Variants in ANK2 observed in about 807,000 individuals in gnomAD.
ANK2 encodes ankyrin-2.
ANK2 carries 83 observed loss-of-function variants against 360.5 expected under a neutral mutation model. That is an observed-to-expected ratio of 0.23 (90% confidence interval 0.19 to 0.28). The LOEUF is 0.28. ANK2 is among the 10% of genes least tolerant of loss of function. The pLI is 1.00. For missense variants in ANK2, 4,201 were observed against 4,795.7 expected (o/e 0.88, Z 3.66); for synonymous variants, 1,740 against 1,759.5 (o/e 0.99, Z 0.28).
At chr4:113,362,966 G>A (rs374620825) in intron 39 of ANK2, among the ~76,000 whole-genome samples, 1 of 152,156 alleles carries the variant, frequency 6.6e-6, no homozygotes, top group Non-Finnish European at 1.5e-5. Flanking sequence ...ATTAAAGGGA[G>A]AAACTTTTTT....
chr4:112,979,145 G>A (rs926079951), intron 2 of ANK2, among the ~76,000 whole-genome samples: 1 of 152,190 alleles, frequency 6.6e-6, no homozygotes, highest in Admixed American at 6.5e-5. Context: ...CTTGGCTCGT[G>A]CTACCAGCCC....
intron 2 of ANK2, among the ~76,000 whole-genome samples, chr4:113,001,798 A>T (rs997014257): frequency 8.5e-5 from 13 of 152,110 alleles, no homozygotes; most frequent in African/African-American, 3.1e-4. Flanking sequence ...GTGAATGGTG[A>T]TGAGATAAAC....
chr4:112,817,272 C>G (rs137915066), upstream of ANK2, among the ~76,000 whole-genome samples: 1 of 152,244 alleles, frequency 6.6e-6, no homozygotes, highest in East Asian at 1.9e-4. Flanking sequence ...TGATAAGGCT[C>G]TTACTTCCTT....
chr4:113,287,304 T>C (rs555080987), intron 18 of ANK2, among the ~76,000 whole-genome samples: 3 of 152,222 alleles, frequency 2.0e-5, no homozygotes, highest in East Asian at 1.9e-4. Context: ...TTGAAATACA[T>C]GCCATTTGAA....
At chr4:112,708,230 C>G in the ANK2 span, among the ~76,000 whole-genome samples, 1 of 152,116 alleles carries the variant, frequency 6.6e-6, no homozygotes, top group Non-Finnish European at 1.5e-5. Context: ...GTCACTGTTT[C>G]CTGGACATAT....
rs1461167427 is a variant in ANK2, at chr4:113,382,988, T to A, written c.*1517T>A. 6.6e-6 allele frequency: 1 copy of A among 152,654 alleles called. No individual in the cohort carries two copies. The highest frequency in any genetic ancestry group is 1.5e-5 in the Non-Finnish European group (1 of 68,048). The allele number at this position is 152,654 out of a possible 1,614,324, so 9.5% of individuals were successfully genotyped here. A position where few individuals can be genotyped will look rare whatever the true frequency, so the allele number is the denominator to read the frequency against. ...GTCCTCTTCCTTATTCCTCTAGTGG[T>A]TGAAGCTGTGTAGCATTTTAACATA... is the stretch of plus-strand genomic sequence containing the variant. On this transcript the variant is annotated 3_prime_UTR_variant, in exon 46 of 46. Transcript: ENST00000357077.
chr4:113,216,119 A>G (rs2099082611), intron 4 of ANK2, among the ~76,000 whole-genome samples: 1 of 152,192 alleles, frequency 6.6e-6, no homozygotes, highest in African/African-American at 2.4e-5. Flanking sequence ...ACTAGGAGCA[A>G]GCATTTCTGG....
rs554587027 is a variant in ANK2, at chr4:113,201,161, G to T, written c.384+2052G>T. 2.6e-5 allele frequency among the ~76,000 whole-genome samples: 4 copies of T among 152,096 alleles called. No homozygotes were observed. In the South Asian group the frequency reaches 8.3e-4, roughly 32 times the overall value. The stretch of plus-strand genomic sequence containing the variant: ...CAGTAGGGGGATTGCTGGGTCTAAT[G>T]GTAGTTACGTTTTTAGTTTTTTGAG... On this transcript the variant is annotated intron_variant, in intron 4 of 45. Coordinates refer to ENST00000357077, the MANE Select transcript of ANK2 (RefSeq NM_001148.6).
At chr4:112,963,848 A>G (rs1239623508) in intron 2 of ANK2, among the ~76,000 whole-genome samples, 1 of 152,106 alleles carries the variant, frequency 6.6e-6, no homozygotes, top group Non-Finnish European at 1.5e-5. Context: ...TAAAAATAAC[A>G]CCAACATACT....
At chr4:112,939,994 T>C (rs2094084782) in intron 2 of ANK2, among the ~76,000 whole-genome samples, 1 of 152,250 alleles carries the variant, frequency 6.6e-6, no homozygotes, top group Admixed American at 6.5e-5. Context: ...TATATTTAAA[T>C]GACAGTTCTT....
chr4:112,904,586 G>T, intron 2 of ANK2: 3 of 1,186,856 alleles, frequency 2.5e-6, no homozygotes, highest in Non-Finnish European at 3.5e-6. Flanking sequence ...ATGTAATTAA[G>T]TACTATTTTG....
chr4:113,365,215 G>A (rs2154054071), intron 41 of ANK2, 33 bp downstream of exon 41: 2 of 1,597,828 alleles, frequency 1.3e-6, no homozygotes, highest in South Asian at 1.1e-5. Context: ...GTGTGTGTGT[G>A]TGTGTGTGTG....
chr4:113,375,101 C>A (rs891947478), intron 45 of ANK2, among the ~76,000 whole-genome samples: 27 of 152,198 alleles, frequency 1.8e-4, no homozygotes, highest in African/African-American at 6.0e-4. Context: ...GAATAACTTG[C>A]AGAGTAACGT....
At chr4:112,920,329 T>C (rs2091134959) in intron 2 of ANK2, among the ~76,000 whole-genome samples, 2 of 152,226 alleles carry the variant, frequency 1.3e-5, no homozygotes. Context: ...GAGATGGTTT[T>C]AGGGAGAGAC....
intron 14 of ANK2, among the ~76,000 whole-genome samples, chr4:113,270,600 C>T (rs968465257): frequency 6.6e-6 from 1 of 152,132 alleles, no homozygotes; most frequent in East Asian, 1.9e-4. Context: ...TTCAGCTCTA[C>T]CTCCCATTCT....
rs778848510 is a variant in ANK2 at position 113,278,501 on chromosome 4, C to T, written c.1824C>T (p.Asn608=). Residue 608 remains asparagine (N), a synonymous_variant, in exon 17 of 46, where the codon AAC becomes AAT. Coordinates refer to ENST00000357077, the MANE Select transcript of ANK2 (RefSeq NM_001148.6). ...TCCATGTTGCTGCTCATTATGACAA[C>T]CAGAAGGTGGCGCTGCTGTTACTGG... is the stretch of plus-strand genomic sequence containing the variant. ...TPLHVAAHYD[N]QKVALLLLEK... 12 of 1,613,840 alleles carry T rather than the reference C, an allele frequency of 7.4e-6. No individual in the cohort carries two copies. In the African/African-American group the frequency reaches 1.6e-4, roughly 22 times the overall value.
the ANK2 span, among the ~76,000 whole-genome samples, chr4:112,717,463 T>C: frequency 2.6e-5 from 4 of 152,180 alleles, no homozygotes; most frequent in African/African-American, 9.7e-5. Context: ...GACTGCCCAA[T>C]GTAATGAATG....
the ANK2 span, among the ~76,000 whole-genome samples, chr4:112,808,706 G>C: frequency 6.6e-6 from 1 of 152,066 alleles, no homozygotes; most frequent in Admixed American, 6.6e-5. Context: ...AGAAAGAGAA[G>C]GTTGGTTGAG....
chr4:113,116,947 C>G (rs1055128506), intron 1 of ANK2: 1 of 246,388 alleles, frequency 4.1e-6, no homozygotes, highest in Non-Finnish European at 8.1e-6. Flanking sequence ...TCTGCACTTG[C>G]AGCCACCCAA....
Sources: gnomAD v4.1 joint callset for allele counts (sites outside exome capture counted in the v4.1 genomes callset) on GRCh38, gnomAD v4.1.1 for gene constraint, MANE v1.5 for transcripts, NCBI Gene and HGNC (gene_info 2026-07-23, HGNC 2026-07-21) for gene names.